GABRG3: variants seen among roughly 807,000 people sequenced by gnomAD.
GABRG3 encodes gamma-aminobutyric acid receptor subunit gamma-3.
A neutral mutation model predicts 48.8 loss-of-function variants in GABRG3; 25 were observed. The observed-to-expected ratio is 0.51, with a 90% CI of 0.37 to 0.72. GABRG3 has a LOEUF of 0.72. Ranked by LOEUF, GABRG3 falls within the 30% of genes least tolerant of loss-of-function variation. The pLI, the probability that GABRG3 is intolerant of heterozygous loss-of-function variation, is 0.00. For missense variants in GABRG3, 394 were observed against 577.9 expected, an observed-to-expected ratio of 0.68 and a Z score of 3.26; for synonymous variants, 227 against 217.6, an observed-to-expected ratio of 1.04 and a Z score of -0.38.
At chr15:27,054,538 C>T (rs1003942663) in intron 3 of GABRG3, among the ~76,000 whole-genome samples, 1 of 152,198 alleles carries the variant, frequency 6.6e-6, no homozygotes. Flanking sequence ...AAGCAACATT[C>T]CCAAGGCTGT....
At chr15:27,360,869 T>C (rs763414829) in intron 5 of GABRG3, among the ~76,000 whole-genome samples, 10 of 152,238 alleles carry the variant, frequency 6.6e-5, no homozygotes, top group Non-Finnish European at 1.2e-4. Context: ...CTGACGGCAC[T>C]GTCTGGCCAT....
chr15:27,530,176 G>T (rs1051489340), intron 9 of GABRG3, among the ~76,000 whole-genome samples: 1 of 152,200 alleles, frequency 6.6e-6, no homozygotes, highest in Non-Finnish European at 1.5e-5. Context: ...TGTGTGGCCT[G>T]GGGCAAGCTG....
At chr15:26,971,643 C>T (rs1379070040) in intron 1 of GABRG3, 55 bp downstream of exon 1, 5 of 1,503,198 alleles carry the variant, frequency 3.3e-6, no homozygotes, top group Non-Finnish European at 4.4e-6. Context: ...GACAGGGCGG[C>T]GGGGGGCGCT....
chr15:27,418,075 C>G (rs1307958626), intron 5 of GABRG3, among the ~76,000 whole-genome samples: 2 of 152,178 alleles, frequency 1.3e-5, no homozygotes, highest in African/African-American at 4.8e-5. Flanking sequence ...TCAGCATGAG[C>G]AAAAGCAACT....
At position 27,216,770 on chromosome 15, in the gene GABRG3, A is replaced by ATTTATTTT. The variant is rs1194749028; in HGVS notation, c.271-110036_271-110035insATTTTTTT. On this transcript the variant is annotated intron_variant, in intron 3 of 9. Transcript: ENST00000615808. ...TTATTTTTTATTTATTTATTTATTTATTTTTTAATTTTTTTTTTTATTATA... is the reference window on the plus strand; with the variant it reads ...TTATTTTTTATTTATTTATTTATTTATTTATTTTTTTTTTAATTTTTTTTTTTATTATA... Among the ~76,000 whole-genome samples, 38 of 89,454 alleles carry ATTTATTTT rather than the reference A, an allele frequency of 4.2e-4. No homozygotes were observed. The East Asian group carries it at 0.02, about 47-fold the overall frequency. The allele number at this position is 89,454 out of a possible 152,430, so 58.7% of individuals were successfully genotyped here.
intron 5 of GABRG3, among the ~76,000 whole-genome samples, chr15:27,440,760 T>C (rs1026060800): frequency 1.3e-5 from 2 of 152,218 alleles, no homozygotes; most frequent in African/African-American, 4.8e-5. Context: ...AAGGATGGAA[T>C]TAGAGTTACT....
At chr15:27,316,525 T>G (rs1362749744) in intron 3 of GABRG3, among the ~76,000 whole-genome samples, 7 of 152,258 alleles carry the variant, frequency 4.6e-5, no homozygotes, top group Admixed American at 4.6e-4. Context: ...TTGGTCAGAT[T>G]AAAGAAATAA....
chr15:27,347,249 A>G (rs1048437275), intron 5 of GABRG3, among the ~76,000 whole-genome samples: 1 of 152,072 alleles, frequency 6.6e-6, no homozygotes, highest in Non-Finnish European at 1.5e-5. Context: ...AATCCCCTTT[A>G]CTATCCTGGA....
rs550756108 is a variant in GABRG3 at position 27,331,144 on chromosome 15, G to A, written c.574+2256G>A. Among the ~76,000 whole-genome samples, 71 of 152,242 alleles carry A rather than the reference G, an allele frequency of 4.7e-4. 1 individual carries two copies. The South Asian group carries it at 0.014, about 30-fold the overall frequency. On this transcript the variant is annotated intron_variant, in intron 5 of 9. Coordinates refer to ENST00000615808, the MANE Select transcript of GABRG3 (RefSeq NM_033223.5). ...AGGAACTCTCACTCATCGCTGGGGG[G>A]ATGCACAGTGTCACAGCCCTTTTGG...
intron 5 of GABRG3, among the ~76,000 whole-genome samples, chr15:27,351,411 TTG>T (rs571249411): frequency 5.5e-5 from 8 of 146,552 alleles, no homozygotes; most frequent in Non-Finnish European, 7.5e-5. Flanking sequence ...TGTATAGTGT[TTG>T]TGTGTGTGTA....
chr15:27,443,015 C>T (rs1012091788), intron 5 of GABRG3, among the ~76,000 whole-genome samples: 4 of 152,096 alleles, frequency 2.6e-5, no homozygotes, highest in South Asian at 2.1e-4. Context: ...GGCTGCAATG[C>T]GGTCAGTCCC....
intron 3 of GABRG3, among the ~76,000 whole-genome samples, chr15:27,186,193 G>A (rs1262274120): frequency 6.6e-6 from 1 of 151,928 alleles, no homozygotes; most frequent in African/African-American, 2.4e-5. Context: ...TCCTCGAGTA[G>A]TCCCCAGGGT....
intron 6 of GABRG3, among the ~76,000 whole-genome samples, chr15:27,487,123 C>A (rs1890239335): frequency 6.6e-6 from 1 of 152,122 alleles, no homozygotes; most frequent in Non-Finnish European, 1.5e-5. Flanking sequence ...AAAAATCTTT[C>A]AAACCCACTG....
At chr15:27,399,887 G>A (rs1416206973) in intron 5 of GABRG3, among the ~76,000 whole-genome samples, 4 of 152,142 alleles carry the variant, frequency 2.6e-5, no homozygotes, top group Non-Finnish European at 4.4e-5. Flanking sequence ...ATGCTCTTTC[G>A]AAACTCAAGT....
chr15:27,313,725 C>T (rs1323551903), intron 3 of GABRG3, among the ~76,000 whole-genome samples: 2 of 151,892 alleles, frequency 1.3e-5, no homozygotes, highest in African/African-American at 4.8e-5. Context: ...TTTGAACAAG[C>T]AATAGGTCAA....
chr15:27,351,659 A>T (rs1207383740), intron 5 of GABRG3, among the ~76,000 whole-genome samples: 1 of 133,062 alleles, frequency 7.5e-6, no homozygotes, highest in Non-Finnish European at 1.6e-5. Context: ...GTGTGTGTGT[A>T]TGGGGTATTT....
intron 7 of GABRG3, among the ~76,000 whole-genome samples, chr15:27,521,700 G>A (rs994665216): frequency 3.3e-5 from 5 of 152,028 alleles, no homozygotes; most frequent in African/African-American, 1.2e-4. Context: ...AGAGTGAAAT[G>A]TATAATATCT....
intron 3 of GABRG3, among the ~76,000 whole-genome samples, chr15:27,048,607 G>C (rs1896404988): frequency 2.0e-5 from 3 of 152,202 alleles, no homozygotes; most frequent in South Asian, 4.1e-4. Context: ...AACTGCCACT[G>C]GAGCTAATAG....
At chr15:27,410,192 G>C (rs1437272427) in intron 5 of GABRG3, among the ~76,000 whole-genome samples, 1 of 152,046 alleles carries the variant, frequency 6.6e-6, no homozygotes, top group Non-Finnish European at 1.5e-5. Context: ...TTCTTCTTTA[G>C]TCTATTGTTA....
Sources: allele counts gnomAD v4.1 joint callset (sites outside exome capture counted in the v4.1 genomes callset), GRCh38; gene constraint gnomAD v4.1.1; transcripts MANE v1.5; gene names NCBI Gene and HGNC (gene_info 2026-07-23, HGNC 2026-07-21).